Variants in EPB41 observed in about 807,000 individuals in gnomAD.
EPB41 encodes erythrocyte membrane protein band 4.1, also known as protein 4.1.
EPB41 carries 65 observed loss-of-function variants against 108.0 expected under a neutral mutation model. That is an observed-to-expected ratio of 0.60 (90% CI 0.49 to 0.74). The LOEUF (loss-of-function observed/expected upper bound fraction) is 0.74, where lower values mean the gene tolerates loss of function less well. EPB41 is among the 30% of genes least tolerant of loss of function. EPB41 has a pLI of 0.00. For missense variants in EPB41, 875 were observed against 1,037.0 expected (o/e 0.84, Z 2.15); for synonymous variants, 336 against 358.9 (o/e 0.94, Z 0.72).
In EPB41 at chr1:29,047,936, A is replaced by G. The variant is rs113920128; in HGVS notation, c.1637-5168A>G. 7.4e-3 allele frequency among the ~76,000 whole-genome samples: 1,118 copies of G among 151,936 alleles called. 10 individuals carry two copies. The highest frequency in any genetic ancestry group is 0.025 in the African/African-American group (1,053 of 41,442). ...GTAGCTGGGATTACAGGCATGCGCCACCATGCCCGGCTAATTTTTGTATTT... is the reference window on the plus strand; with the variant it reads ...GTAGCTGGGATTACAGGCATGCGCCGCCATGCCCGGCTAATTTTTGTATTT... On this transcript the variant is annotated intron_variant, in intron 11 of 20. Transcript: ENST00000343067.
chr1:28,931,627 C>T (rs1316788729), intron 1 of EPB41, among the ~76,000 whole-genome samples: 1 of 150,904 alleles, frequency 6.6e-6, no homozygotes, highest in Non-Finnish European at 1.5e-5. Context: ...CTCCCGGGTT[C>T]AAGCAGTTCT....
At chr1:29,017,778 C>T (rs2096595786) in intron 6 of EPB41, among the ~76,000 whole-genome samples, 1 of 152,164 alleles carries the variant, frequency 6.6e-6, no homozygotes, top group Non-Finnish European at 1.5e-5. Context: ...GCACGCTAAG[C>T]TTCTGAGCTG....
chr1:28,958,331 C>G (rs1227831121), intron 1 of EPB41, among the ~76,000 whole-genome samples: 1 of 151,836 alleles, frequency 6.6e-6, no homozygotes, highest in East Asian at 1.9e-4. Flanking sequence ...CACCTGTAAC[C>G]CAGCTACTGG....
intron 1 of EPB41, among the ~76,000 whole-genome samples, chr1:28,905,691 T>C (rs903497835): frequency 2.0e-5 from 3 of 152,094 alleles, no homozygotes; most frequent in African/African-American, 7.2e-5. Context: ...TGGCATTTTG[T>C]TGTGGCAGCT....
chr1:29,089,962 G>T (rs1358772800), intron 16 of EPB41, among the ~76,000 whole-genome samples: 1 of 152,060 alleles, frequency 6.6e-6, no homozygotes, highest in Non-Finnish European at 1.5e-5. Flanking sequence ...TCTGGATGAG[G>T]CGTTCTAAGA....
At chr1:29,002,471 A>G (rs1294114724) in intron 4 of EPB41, among the ~76,000 whole-genome samples, 2 of 152,068 alleles carry the variant, frequency 1.3e-5, no homozygotes, top group Admixed American at 6.6e-5. Flanking sequence ...AAAAGATAGT[A>G]TTATTGTTTT....
chr1:29,091,912 A>G (rs1435056440), intron 16 of EPB41, among the ~76,000 whole-genome samples: 3 of 152,046 alleles, frequency 2.0e-5, no homozygotes. Context: ...TCCTGTGTTC[A>G]GTGTGTCTTT....
intron 1 of EPB41, among the ~76,000 whole-genome samples, chr1:28,926,611 C>T (rs1271271714): frequency 6.6e-6 from 1 of 152,204 alleles, no homozygotes; most frequent in Admixed American, 6.5e-5. Flanking sequence ...CTTTTCCACA[C>T]CTCAGTTTCT....
chr1:29,044,005 C>T (rs1241736771), intron 11 of EPB41, among the ~76,000 whole-genome samples: 1 of 152,080 alleles, frequency 6.6e-6, no homozygotes, highest in African/African-American at 2.4e-5. Flanking sequence ...GGGAGAGTAG[C>T]AGAGTTGGGG....
intron 11 of EPB41, among the ~76,000 whole-genome samples, chr1:29,046,767 C>T (rs1255995031): frequency 6.6e-6 from 1 of 152,098 alleles, no homozygotes; most frequent in African/African-American, 2.4e-5. Flanking sequence ...ATGCTTTTTA[C>T]TTCATCAGTT....
intron 1 of EPB41, among the ~76,000 whole-genome samples, chr1:28,903,231 A>G (rs562696666): frequency 1.3e-5 from 2 of 152,120 alleles, no homozygotes; most frequent in East Asian, 3.9e-4. Context: ...GGCCAGGCAG[A>G]TGTGGATTTG....
At chr1:29,022,729 A>T (rs2096662949) in intron 7 of EPB41, among the ~76,000 whole-genome samples, 1 of 152,008 alleles carries the variant, frequency 6.6e-6, no homozygotes, top group African/African-American at 2.4e-5. Context: ...CTCAAAAAAA[A>T]AGAAAAAAGA....
chr1:29,079,325 G>GT (rs1462880762), intron 16 of EPB41, among the ~76,000 whole-genome samples: 2 of 151,786 alleles, frequency 1.3e-5, no homozygotes, highest in East Asian at 3.9e-4. Context: ...TTGAGCTTTT[G>GT]GTATACTTTA....
chr1:28,964,069 A>G (rs945801791), intron 1 of EPB41, among the ~76,000 whole-genome samples: 6 of 152,098 alleles, frequency 3.9e-5, no homozygotes, highest in African/African-American at 1.2e-4. Context: ...CTATTAGTCT[A>G]TTTCTATTTC....
At chr1:28,955,585 C>G (rs984777420) in intron 1 of EPB41, among the ~76,000 whole-genome samples, 2 of 152,078 alleles carry the variant, frequency 1.3e-5, no homozygotes, top group African/African-American at 4.8e-5. Context: ...CCTCATGATC[C>G]GCTCACCTTG....
At chr1:28,999,800 T>C (rs2096260611) in intron 4 of EPB41, among the ~76,000 whole-genome samples, 1 of 152,148 alleles carries the variant, frequency 6.6e-6, no homozygotes, top group South Asian at 2.1e-4. Flanking sequence ...ACTTTTTTTT[T>C]TGAGACAGAG....
At position 28,938,828 on chromosome 1, in the gene EPB41, T is replaced by C. The variant is rs1570995433; in HGVS notation, c.-8+24060T>C. ...TCCTGATTTTTGAATGTTGATCTTG[T>C]ATCCTGCAACCTTGGTTAACTTGCT... On this transcript the variant is annotated intron_variant, in intron 1 of 20. Coordinates refer to ENST00000343067, the MANE Select transcript of EPB41 (RefSeq NM_001376013.1). Among the ~76,000 whole-genome samples the C allele has an allele frequency of 3.9e-5, 6 of 152,346 alleles. No individual in the cohort carries two copies. In the South Asian group the frequency reaches 1.2e-3, roughly 32 times the overall value.
At position 29,097,883 on chromosome 1, in the gene EPB41, A is replaced by T; in HGVS notation, c.2261A>T (p.Asp754Val). Residue 754 changes from aspartate (D) to valine (V), a missense_variant, in exon 17 of 21, where the codon GAC becomes GTC. Asp to Val is a radical substitution (Grantham distance 152). This residue lies in a region of EPB41 where 519 missense variants were observed against 627.3 expected (regional missense o/e 0.83). Transcript: ENST00000343067. Reference sequence around the variant, plus strand: ...GTGAAAAGTGAAATCCCAACCAAAGACGTCCCTATTGTCCACACTGAGACC... The same window carrying T: ...GTGAAAAGTGAAATCCCAACCAAAGTCGTCCCTATTGTCCACACTGAGACC... Reference protein sequence around the residue: ...NAVKSEIPTKDVPIVHTETKT... With the variant: ...NAVKSEIPTKVVPIVHTETKT... 1.2e-6 allele frequency: 2 copies of T among 1,613,992 alleles called. No homozygotes were observed. The highest frequency in any genetic ancestry group is 8.5e-7 in the Non-Finnish European group (1 of 1,179,894).
intron 5 of EPB41, among the ~76,000 whole-genome samples, chr1:29,012,139 A>G (rs1231183723): frequency 1.3e-5 from 2 of 151,828 alleles, no homozygotes; most frequent in South Asian, 2.1e-4. Flanking sequence ...TTTTTTTACA[A>G]CTGGGCAAAG....
Sources: allele counts gnomAD v4.1 joint callset (sites outside exome capture counted in the v4.1 genomes callset), GRCh38; gene constraint gnomAD v4.1.1; regional missense constraint gnomAD v4.1.1; transcripts MANE v1.5; gene names NCBI Gene and HGNC (gene_info 2026-07-23, HGNC 2026-07-21).